Variants in RHEX observed in about 807,000 individuals in gnomAD.
RHEX encodes the protein regulator of hemoglobinization and erythroid cell expansion.
In RHEX, 18 loss-of-function variants were observed where a neutral mutation model predicts 20.1. That is an observed-to-expected ratio of 0.90 (90% confidence interval 0.62 to 1.33). RHEX has a LOEUF of 1.33. Ranked by LOEUF, RHEX falls within the 40% of genes most tolerant of loss-of-function variation. RHEX has a pLI of 0.00. For synonymous variants in RHEX, 87 were observed against 77.1 expected (o/e 1.13, Z -0.67); for missense variants, 192 against 214.3 (o/e 0.90, Z 0.65).
intron 1 of RHEX, among the ~76,000 whole-genome samples, chr1:206,091,356 C>A (rs1440146107): frequency 1.3e-5 from 2 of 151,934 alleles, no homozygotes; most frequent in Non-Finnish European, 1.5e-5. Flanking sequence ...CAGCATACAC[C>A]CTTGCTCTCA....
chr1:206,057,466 A>G (rs1335615895), intron 1 of RHEX, among the ~76,000 whole-genome samples: 2 of 152,274 alleles, frequency 1.3e-5, no homozygotes, highest in African/African-American at 4.8e-5. Flanking sequence ...TGGTACCACA[A>G]AAACAGTTAC....
At chr1:206,065,112 C>T (rs1662398259) in intron 1 of RHEX, among the ~76,000 whole-genome samples, 1 of 152,076 alleles carries the variant, frequency 6.6e-6, no homozygotes, top group Non-Finnish European at 1.5e-5. Flanking sequence ...ACTCCCCAGT[C>T]TCAAGTACCC....
intron 1 of RHEX, among the ~76,000 whole-genome samples, chr1:206,096,013 A>C (rs1663059509): frequency 6.6e-6 from 1 of 152,012 alleles, no homozygotes; most frequent in African/African-American, 2.4e-5. Context: ...GTATGTTTTT[A>C]GAGATGGGGT....
At chr1:206,071,353 G>A (rs1165551153) in intron 1 of RHEX, among the ~76,000 whole-genome samples, 3 of 152,034 alleles carry the variant, frequency 2.0e-5, no homozygotes, top group South Asian at 2.1e-4. Flanking sequence ...GGGTCCACCC[G>A]GATTGTGGGT....
intron 1 of RHEX, among the ~76,000 whole-genome samples, chr1:206,082,019 A>T (rs1339799667): frequency 6.6e-6 from 1 of 152,056 alleles, no homozygotes; most frequent in East Asian, 1.9e-4. Context: ...TTAGGAAATC[A>T]CTCCACATGG....
At chr1:206,096,716 G>A (rs1184508754) in intron 1 of RHEX, among the ~76,000 whole-genome samples, 3 of 150,956 alleles carry the variant, frequency 2.0e-5, no homozygotes, top group African/African-American at 7.3e-5. Flanking sequence ...TTTCTTTCCA[G>A]TGTGTTGGCT....
At chr1:206,065,708 A>G (rs1662409729) in intron 1 of RHEX, among the ~76,000 whole-genome samples, 1 of 152,174 alleles carries the variant, frequency 6.6e-6, no homozygotes, top group African/African-American at 2.4e-5. Context: ...CAGGGACTCA[A>G]CAAGTCTTAG....
At chr1:206,097,313 C>T (rs1257822280) in intron 1 of RHEX, among the ~76,000 whole-genome samples, 1 of 152,134 alleles carries the variant, frequency 6.6e-6, no homozygotes, top group Non-Finnish European at 1.5e-5. Flanking sequence ...AGCCCTGCTG[C>T]TAACAAGGTG....
rs1357796166 is a variant in RHEX, at chr1:206,102,389, T to G, written c.*437T>G. 6.2e-6 allele frequency: 1 copy of G among 162,264 alleles called. No homozygotes were observed. Among genetic ancestry groups the G allele is most frequent in the African/African-American group, 2.4e-5 (1 of 41,656 alleles). The allele number at this position is 162,264 out of a possible 1,614,324, so 10.1% of individuals were successfully genotyped here. A position where few individuals can be genotyped will look rare whatever the true frequency, so the allele number is the denominator to read the frequency against. On this transcript the variant is annotated 3_prime_UTR_variant, in exon 6 of 6. Coordinates refer to ENST00000331555, the MANE Select transcript of RHEX (RefSeq NM_001007544.4). ...GGTTAAATGACTTCCCTTTGAGCTC[T>G]TTAATTATTGGCAATAAACAACTTC...
At chr1:206,091,095 C>T (rs782161035) in intron 1 of RHEX, among the ~76,000 whole-genome samples, 4 of 152,192 alleles carry the variant, frequency 2.6e-5, no homozygotes, top group Non-Finnish European at 5.9e-5. Context: ...GGCTGATGAA[C>T]TGTTTTTGTC....
intron 4 of RHEX, 100 bp from the exon 5 acceptor site, chr1:206,101,035 CT>C (rs1663175748): frequency 1.1e-6 from 1 of 944,958 alleles, no homozygotes; most frequent in East Asian, 2.5e-5. Flanking sequence ...CTGCCTCTGT[CT>C]TTATCTGATA....
At chr1:206,053,720 G>C (rs955484572) in intron 1 of RHEX, among the ~76,000 whole-genome samples, 1 of 152,208 alleles carries the variant, frequency 6.6e-6, no homozygotes, top group Admixed American at 6.5e-5. Context: ...AAGGAAGCCT[G>C]GACAGGTCCC....
At chr1:206,068,369 T>G (rs74144329) in intron 1 of RHEX, among the ~76,000 whole-genome samples, 3,318 of 152,148 alleles carry the variant, frequency 0.022, 104 homozygotes, top group African/African-American at 0.075. Flanking sequence ...GGGGCTAAAA[T>G]TATGGAGATG....
intron 1 of RHEX, among the ~76,000 whole-genome samples, chr1:206,056,719 T>G (rs1471719602): frequency 4.6e-5 from 7 of 152,204 alleles, no homozygotes; most frequent in Non-Finnish European, 7.3e-5. Flanking sequence ...TCCCCAAAAA[T>G]GTAACCTTAA....
At chr1:206,073,457 C>A (rs782330867) in intron 1 of RHEX, among the ~76,000 whole-genome samples, 1 of 152,134 alleles carries the variant, frequency 6.6e-6, no homozygotes, top group South Asian at 2.1e-4. Context: ...CTCATTACTG[C>A]ACTTGAGAAA....
chr1:206,067,133 G>A lies in RHEX; in HGVS notation c.-97+13868G>A, dbSNP rs1369682496. ...TTTCTGTTTATCTCTTAGAAAGTCT[G>A]GTAATAACACAAAGAGGGGGTACTG... On this transcript the variant is annotated intron_variant, in intron 1 of 5. Transcript: ENST00000331555. The surrounding 1 kb of genome is among the most constrained non-coding windows in gnomAD (Gnocchi z 4.6). Among the ~76,000 whole-genome samples, 1 of 152,132 alleles carries A rather than the reference G, an allele frequency of 6.6e-6. No individual in the cohort carries two copies. Among genetic ancestry groups the A allele is most frequent in the Non-Finnish European group, 1.5e-5 (1 of 68,028 alleles).
chr1:206,096,940 A>G (rs545109496), intron 1 of RHEX, among the ~76,000 whole-genome samples: 1 of 151,744 alleles, frequency 6.6e-6, no homozygotes, highest in Admixed American at 6.6e-5. Context: ...ATGCCGGGAT[A>G]ATTTTTATAT....
intron 1 of RHEX, among the ~76,000 whole-genome samples, chr1:206,096,863 C>G (rs1663082999): frequency 6.6e-6 from 1 of 151,626 alleles, no homozygotes; most frequent in South Asian, 2.1e-4. Flanking sequence ...AAGTCTCGAC[C>G]TCCTGGGATC....
intron 1 of RHEX, among the ~76,000 whole-genome samples, chr1:206,068,867 T>C (rs537551859): frequency 2.2e-4 from 33 of 152,242 alleles, no homozygotes; most frequent in Non-Finnish European, 4.6e-4. Flanking sequence ...AAGCATTCTT[T>C]GTGACACTCT....
Sources: gnomAD v4.1 joint callset for allele counts (sites outside exome capture counted in the v4.1 genomes callset) on GRCh38, gnomAD v4.1.1 for gene constraint, Gnocchi (gnomAD v3.1) non-coding constraint, MANE v1.5 for transcripts, NCBI Gene and HGNC (gene_info 2026-07-23, HGNC 2026-07-21) for gene names.